The following PLXDC2 variants were observed in gnomAD, a reference collection of about 807,000 sequenced individuals.
PLXDC2 encodes the protein plexin domain containing 2, also known as plexin domain-containing protein 2.
PLXDC2 carries 40 observed loss-of-function variants against 68.9 expected under a neutral mutation model. The observed-to-expected ratio is 0.58, with a 90% CI of 0.45 to 0.76. PLXDC2 has a LOEUF of 0.76. Ranked by LOEUF, PLXDC2 falls within the 30% of genes least tolerant of loss-of-function variation. PLXDC2 has a pLI of 0.00. For synonymous variants in PLXDC2, 243 were observed against 234.2 expected (o/e 1.04, Z -0.34); for missense variants, 644 against 661.9 (o/e 0.97, Z 0.30).
chr10:20,190,739 G>A (rs969491997), intron 9 of PLXDC2, among the ~76,000 whole-genome samples: 3 of 151,634 alleles, frequency 2.0e-5, no homozygotes, highest in African/African-American at 7.3e-5. Flanking sequence ...TTGTTTTGTG[G>A]GGAATCTAAT....
In PLXDC2 at chr10:20,098,714, A is replaced by G. The variant is rs143100227; in HGVS notation, c.541+30475A>G. ...TCATATGTAGGTAGTGGCTTATAAT[A>G]AATCTAAACCAATTATGGGAGTCTA... is the stretch of plus-strand genomic sequence containing the variant. On this transcript the variant is annotated intron_variant, in intron 4 of 13. Transcript: ENST00000377252. Among the ~76,000 whole-genome samples the G allele has an allele frequency of 4.7e-3, 712 of 152,254 alleles. 1 individual carries two copies. Among genetic ancestry groups the G allele is most frequent in the Non-Finnish European group, 7.1e-3 (480 of 68,010 alleles).
At chr10:19,887,539 A>G (rs911762478) in intron 1 of PLXDC2, among the ~76,000 whole-genome samples, 3 of 152,098 alleles carry the variant, frequency 2.0e-5, no homozygotes, top group Non-Finnish European at 1.5e-5. Flanking sequence ...AAAACAAAAC[A>G]AACAAAAAAC....
At chr10:19,843,379 T>C (rs1323947878) in intron 1 of PLXDC2, among the ~76,000 whole-genome samples, 1 of 152,124 alleles carries the variant, frequency 6.6e-6, no homozygotes, top group Non-Finnish European at 1.5e-5. Flanking sequence ...TTTTTCTGGG[T>C]TTCCAAAGAG....
At chr10:20,124,600 C>A (rs1203835849) in intron 4 of PLXDC2, among the ~76,000 whole-genome samples, 3 of 152,028 alleles carry the variant, frequency 2.0e-5, no homozygotes, top group African/African-American at 7.3e-5. Context: ...GTTTATTTCA[C>A]CTGGGTGCAG....
chr10:19,884,165 G>T (rs1322891370), intron 1 of PLXDC2, among the ~76,000 whole-genome samples: 3 of 151,392 alleles, frequency 2.0e-5, no homozygotes, highest in Admixed American at 1.3e-4. Context: ...CCAAAGTGCT[G>T]GAATTACAGG....
At chr10:20,039,862 G>A (rs550721650) in intron 2 of PLXDC2, among the ~76,000 whole-genome samples, 7 of 152,294 alleles carry the variant, frequency 4.6e-5, no homozygotes, top group African/African-American at 1.7e-4. Flanking sequence ...AATTATCAGA[G>A]GAGAGAGAAA....
intron 1 of PLXDC2, among the ~76,000 whole-genome samples, chr10:19,895,304 G>A (rs1242584436): frequency 2.6e-5 from 4 of 152,148 alleles, no homozygotes; most frequent in Non-Finnish European, 5.9e-5. Flanking sequence ...GAGGACAGAA[G>A]TGAACAGTAT....
chr10:19,934,845 CT>C (rs1365942922), intron 1 of PLXDC2, among the ~76,000 whole-genome samples: 1 of 152,152 alleles, frequency 6.6e-6, no homozygotes, highest in Admixed American at 6.5e-5. Flanking sequence ...AGACCTGTTC[CT>C]TTTGTGTTTC....
At chr10:19,986,546 AACAAAG>A (rs1564648008) in intron 1 of PLXDC2, among the ~76,000 whole-genome samples, 29 of 123,738 alleles carry the variant, frequency 2.3e-4, no homozygotes, top group African/African-American at 6.2e-4. Context: ...TTAAAAAAAA[AACAAAG>A]AAAAAGAAAA....
chr10:20,054,201 T>C (rs1243814976), intron 3 of PLXDC2, among the ~76,000 whole-genome samples: 1 of 151,964 alleles, frequency 6.6e-6, no homozygotes, highest in South Asian at 2.1e-4. Flanking sequence ...GTTGTTAGGA[T>C]TTTTACTGAA....
At chr10:20,060,820 A>T (rs1187935020) in intron 3 of PLXDC2, among the ~76,000 whole-genome samples, 1 of 152,222 alleles carries the variant, frequency 6.6e-6, no homozygotes, top group Admixed American at 6.5e-5. Flanking sequence ...GGTAGAAAAC[A>T]GAGTCACTGA....
intron 1 of PLXDC2, among the ~76,000 whole-genome samples, chr10:19,950,469 A>G (rs1833973087): frequency 6.6e-6 from 1 of 152,170 alleles, no homozygotes; most frequent in Admixed American, 6.5e-5. Flanking sequence ...AAAGATCTCT[A>G]CAAGGAGAAC....
chr10:19,983,814 C>G (rs181190447), intron 1 of PLXDC2, among the ~76,000 whole-genome samples: 2 of 152,102 alleles, frequency 1.3e-5, no homozygotes, highest in South Asian at 4.1e-4. Flanking sequence ...TTGGACCTCC[C>G]GAGTCAGATC....
At chr10:20,213,536 C>T (rs141516696) in intron 10 of PLXDC2, among the ~76,000 whole-genome samples, 115 of 152,186 alleles carry the variant, frequency 7.6e-4, no homozygotes, top group African/African-American at 2.7e-3. Context: ...ATATTAAACT[C>T]ACCTTGTCGA....
At chr10:20,050,596 T>C (rs1419823670) in intron 3 of PLXDC2, among the ~76,000 whole-genome samples, 1 of 151,660 alleles carries the variant, frequency 6.6e-6, no homozygotes, top group African/African-American at 2.4e-5. Flanking sequence ...AACAAGCATA[T>C]GAAAAAAAGC....
intron 1 of PLXDC2, among the ~76,000 whole-genome samples, chr10:19,880,213 C>T (rs1342631424): frequency 6.6e-6 from 1 of 152,156 alleles, no homozygotes; most frequent in Non-Finnish European, 1.5e-5. Context: ...TATTTAGAAT[C>T]AGTGAGACAA....
At chr10:20,000,759 G>A (rs890397029) in intron 1 of PLXDC2, among the ~76,000 whole-genome samples, 2 of 152,088 alleles carry the variant, frequency 1.3e-5, no homozygotes, top group African/African-American at 4.8e-5. Context: ...TTCTTAGAAT[G>A]TTCTTGTACC....
At chr10:19,972,588 G>A (rs892025809) in intron 1 of PLXDC2, among the ~76,000 whole-genome samples, 6 of 151,748 alleles carry the variant, frequency 4.0e-5, no homozygotes, top group Non-Finnish European at 5.9e-5. Context: ...CATCTCCCAC[G>A]ATAAAAGTTG....
At chr10:20,214,563 T>C (rs1219642983) in intron 10 of PLXDC2, among the ~76,000 whole-genome samples, 1 of 152,224 alleles carries the variant, frequency 6.6e-6, no homozygotes, top group African/African-American at 2.4e-5. Flanking sequence ...CTACTGTCTT[T>C]ATAGCACATA....
Sources: allele counts gnomAD v4.1 joint callset (sites outside exome capture counted in the v4.1 genomes callset), GRCh38; gene constraint gnomAD v4.1.1; transcripts MANE v1.5; gene names NCBI Gene and HGNC (gene_info 2026-07-23, HGNC 2026-07-21).